CTDSP1: variants seen among roughly 807,000 people sequenced by gnomAD.
The protein encoded by CTDSP1 is carboxy-terminal domain RNA polymerase II polypeptide A small phosphatase 1.
In CTDSP1, 15 loss-of-function variants were observed where a neutral mutation model predicts 32.5. That is an observed-to-expected ratio of 0.46 (90% CI 0.31 to 0.71). The LOEUF (loss-of-function observed/expected upper bound fraction) is 0.71. CTDSP1 is among the 30% of genes least tolerant of loss of function. The pLI is 0.05. For missense variants in CTDSP1, 294 were observed against 351.1 expected, an observed-to-expected ratio of 0.84 and a Z score of 1.30; for synonymous variants, 185 against 145.4, an observed-to-expected ratio of 1.27 and a Z score of -1.96.
upstream of CTDSP1, chr2:218,398,264 G>A: frequency 4.1e-6 from 3 of 728,382 alleles, no homozygotes; most frequent in South Asian, 3.2e-5. Flanking sequence ...CCCGAAGCAC[G>A]TCGCTTCCTT....
upstream of CTDSP1, chr2:218,398,380 A>T (rs1389970828): frequency 6.5e-7 from 1 of 1,532,990 alleles, no homozygotes; most frequent in East Asian, 2.4e-5. Flanking sequence ...GGAAAACGCC[A>T]GCAGCGTGTG....
rs1158717631 is a variant in CTDSP1 at position 218,399,983 on chromosome 2, C to T, written c.-108C>T. ...TCCCCTCCGGAGCTCGCGGGGATCC[C>T]TCCCTCCCACCCCTCCCCTCCCCCC... On this transcript the variant is annotated 5_prime_UTR_variant, in exon 1 of 7. Transcript: ENST00000273062. The T allele has an allele frequency of 5.6e-6, 6 of 1,062,082 alleles. No individual in the cohort carries two copies. Among genetic ancestry groups the T allele is most frequent in the Non-Finnish European group, 7.2e-6 (6 of 838,126 alleles). 65.8% of individuals were successfully genotyped at this position (1,062,082 alleles called of 1,614,324 possible).
chr2:218,398,078 C>G (rs1417537517), upstream of CTDSP1, among the ~76,000 whole-genome samples: 1 of 152,184 alleles, frequency 6.6e-6, no homozygotes. Flanking sequence ...GCCACCCAAC[C>G]CAGGCCAAGG....
intron 1 of CTDSP1, chr2:218,400,851 T>C (rs956811137): frequency 2.2e-6 from 1 of 456,200 alleles, no homozygotes; most frequent in African/African-American, 2.0e-5. Flanking sequence ...GGGGTCTGTC[T>C]TCTCCTTTTC....
At chr2:218,398,631 G>T (rs1178638590), upstream of CTDSP1, 2 of 451,562 alleles carry the variant, frequency 4.4e-6, no homozygotes, top group Non-Finnish European at 7.5e-6. Flanking sequence ...AGGGCCTGGC[G>T]GACGTGCGCC....
rs765667789 is a variant in CTDSP1 at position 218,404,472 on chromosome 2, C to G, written c.*47C>G. The G allele has an allele frequency of 6.2e-7, 1 of 1,606,112 alleles. No homozygotes were observed. The highest frequency in any genetic ancestry group is 1.1e-5 in the South Asian group (1 of 90,732). ...CTGCCCCTGACCAATGATACCCACA[C>G]CTCCTCCCAGGAAGACTGCCCAGGC... On this transcript the variant is annotated 3_prime_UTR_variant, in exon 7 of 7. Transcript: ENST00000273062.
upstream of CTDSP1, chr2:218,399,497 A>G (rs762130334): frequency 1.3e-5 from 2 of 152,404 alleles, no homozygotes; most frequent in African/African-American, 2.4e-5. Flanking sequence ...CCAAGTCCTC[A>G]ACGAGGAAAC....
chr2:218,402,599 C>G, intron 4 of CTDSP1, 194 bp downstream of exon 4: 1 of 758,840 alleles, frequency 1.3e-6, no homozygotes, highest in Non-Finnish European at 2.4e-6. Context: ...GCAGAGTGGG[C>G]TCCTCCTCTA....
At chr2:218,398,247 C>G (rs558657359), upstream of CTDSP1, 5 of 658,538 alleles carry the variant, frequency 7.6e-6, no homozygotes, top group African/African-American at 1.9e-5. Context: ...TTGCCCTTGC[C>G]GGTAGACCCG....
upstream of CTDSP1, chr2:218,398,534 G>A (rs552245467): frequency 6.3e-5 from 81 of 1,284,156 alleles, no homozygotes; most frequent in African/African-American, 1.2e-3. Flanking sequence ...AGCGCACGAA[G>A]CCGCCGCGCC....
chr2:218,400,481 C>T (rs928205667), intron 1 of CTDSP1: 3 of 447,696 alleles, frequency 6.7e-6, no homozygotes, highest in Non-Finnish European at 1.3e-5. Context: ...GCCAATGGGG[C>T]TGGGAGATGG....
At chr2:218,398,543 C>CGGCGG, upstream of CTDSP1, 1 of 1,237,172 alleles carries the variant, frequency 8.1e-7, no homozygotes, top group Non-Finnish European at 1.1e-6. Context: ...AGCCGCCGCG[C>CGGCGG]CTTCTGGCAG....
Position 218,400,066 on chromosome 2 carries a change from G to A in CTDSP1, c.-25G>A, listed in dbSNP as rs1697032425. ...GGCCGGGCGCCCGGGCCAGAGTCCG[G>A]CCGGAGCGGAGCGCGCCCGGCCCCA... On this transcript the variant is annotated 5_prime_UTR_variant, in exon 1 of 7. Transcript: ENST00000273062. The A allele has an allele frequency of 7.1e-7, 1 of 1,413,006 alleles. No homozygotes were observed. The highest frequency in any genetic ancestry group is 1.5e-5 in the African/African-American group (1 of 65,908). 87.5% of individuals were successfully genotyped at this position (1,413,006 alleles called of 1,614,324 possible).
chr2:218,399,685 G>A, upstream of CTDSP1: 2 of 951,526 alleles, frequency 2.1e-6, no homozygotes, highest in Non-Finnish European at 2.5e-6. Flanking sequence ...AGCCCCGCCG[G>A]CGGGCGGCAG....
At chr2:218,403,169 C>G in intron 5 of CTDSP1, 42 bp downstream of exon 5, 4 of 1,613,166 alleles carry the variant, frequency 2.5e-6, no homozygotes, top group Non-Finnish European at 3.4e-6. Context: ...GCCCTCCTAC[C>G]TACCTCCCGC....
chr2:218,401,450 G>A (rs1697133908), intron 1 of CTDSP1, 114 bp from the exon 2 acceptor site: 22 of 1,259,112 alleles, frequency 1.7e-5, no homozygotes, highest in Middle Eastern at 1.9e-4. Flanking sequence ...CGTGTGTCTG[G>A]ATGAAGGGGC....
intron 6 of CTDSP1, 109 bp from the exon 7 acceptor site, chr2:218,404,188 G>A (rs1559138813): frequency 1.6e-5 from 22 of 1,357,870 alleles, no homozygotes; most frequent in Non-Finnish European, 1.9e-5. Context: ...CTGTGGGTGA[G>A]GGGTTTTCAG....
At chr2:218,402,756 TG>T in intron 4 of CTDSP1, 1 of 738,008 alleles carries the variant, frequency 1.4e-6, no homozygotes, top group South Asian at 1.4e-5. Flanking sequence ...GGGCTGCCCC[TG>T]GATTCCTGCA....
rs12620519 is a variant in CTDSP1 at position 218,400,144 on chromosome 2, G to C, written c.54G>C (p.Pro18=). 1 of 1,545,108 alleles carries C rather than the reference G, an allele frequency of 6.5e-7. No homozygotes were observed. The highest frequency in any genetic ancestry group is 1.4e-5 in the African/African-American group (1 of 72,658). ...TCAGCAAGGAGGAGGCTCGGGGCCC[G>C]CTGCGGGGCAAAGGTACCGGGGCTG... The part of the protein sequence containing the change: ...TQISKEEARG[P]LRGKGDQKSA... The change falls in exon 1 of 7, where the codon CCG becomes CCC. Residue 18 remains proline (P), a synonymous_variant. Coordinates refer to ENST00000273062, the MANE Select transcript of CTDSP1 (RefSeq NM_021198.3).
Sources: gnomAD v4.1 joint callset for allele counts (sites outside exome capture counted in the v4.1 genomes callset) on GRCh38, gnomAD v4.1.1 for gene constraint, MANE v1.5 for transcripts, NCBI Gene and HGNC (gene_info 2026-07-23, HGNC 2026-07-21) for gene names.